Variants in CEP76 observed in about 807,000 individuals in gnomAD.
The protein encoded by CEP76 is centrosomal protein of 76 kDa.
In CEP76, 55 loss-of-function variants were observed where a neutral mutation model predicts 83.3. That is an observed-to-expected ratio of 0.66 (90% CI 0.53 to 0.83). CEP76 has a LOEUF of 0.83. Ranked by LOEUF, CEP76 falls within the 40% of genes least tolerant of loss-of-function variation. The probability of loss-of-function intolerance (pLI) is 0.00; values close to 1 mark genes in which losing one functional copy is unlikely to be tolerated. For missense variants in CEP76, 694 were observed against 799.5 expected (o/e 0.87, Z 1.59); for synonymous variants, 270 against 274.5 (o/e 0.98, Z 0.16).
At chr18:12,675,572 G>C (rs1242181165) in intron 10 of CEP76, among the ~76,000 whole-genome samples, 1 of 152,126 alleles carries the variant, frequency 6.6e-6, no homozygotes, top group Non-Finnish European at 1.5e-5. Context: ...CTTATATACT[G>C]TAAGAGATAA....
At chr18:12,673,629 C>G (rs1233541088) in intron 11 of CEP76, 126 bp from the exon 12 acceptor site, 8 of 669,596 alleles carry the variant, frequency 1.2e-5, no homozygotes, top group Non-Finnish European at 1.9e-5. Flanking sequence ...CCTGTAATCC[C>G]AGCACTTTGG....
chr18:12,685,146 A>T (rs1368081710), intron 8 of CEP76: 1 of 152,014 alleles, frequency 6.6e-6, no homozygotes, highest in African/African-American at 2.4e-5. Context: ...GATTACAGGC[A>T]CGTGCCACCA....
chr18:12,680,901 A>G, intron 8 of CEP76, 73 bp from the exon 9 acceptor site: 2 of 1,335,820 alleles, frequency 1.5e-6, no homozygotes, highest in South Asian at 1.5e-5. Context: ...ATACTAAATT[A>G]TAATAAAAAT....
chr18:12,669,032 C>CTT (rs71174122), downstream of CEP76, among the ~76,000 whole-genome samples: 269 of 41,950 alleles, frequency 6.4e-3, 75 homozygotes, highest in Non-Finnish European at 7.6e-3. Context: ...ACCCCCCGCA[C>CTT]TTTTTTTTTT....
intron 2 of CEP76, 74 bp downstream of exon 2, chr18:12,700,884 G>A (rs756870456): frequency 2.0e-5 from 25 of 1,261,318 alleles, no homozygotes; most frequent in African/African-American, 3.0e-5. Context: ...GCCCCACATC[G>A]GAACCTTATA....
In CEP76 at chr18:12,691,464, A is replaced by C; in HGVS notation, c.828T>G (p.Thr276=). 6.2e-7 allele frequency: 1 copy of C among 1,601,496 alleles called. No individual in the cohort carries two copies. Among genetic ancestry groups the C allele is most frequent in the Non-Finnish European group, 8.5e-7 (1 of 1,175,470 alleles). The part of the protein sequence containing the change: ...NTQLALERQK[T]AEKERLFLVY... ...CAAGAAATAATCGCTCTTTCTCTGC[A>C]GTTTTCTGACGTTCCAAAGCAAGCT... Residue 276 remains threonine (T), a synonymous_variant, in exon 7 of 12, where the codon ACT becomes ACG. Coordinates refer to ENST00000262127, the MANE Select transcript of CEP76 (RefSeq NM_024899.4).
At chr18:12,690,050 A>C (rs1216821167) in intron 7 of CEP76, among the ~76,000 whole-genome samples, 1 of 151,982 alleles carries the variant, frequency 6.6e-6, no homozygotes, top group African/African-American at 2.4e-5. Flanking sequence ...CGGCCTCCCC[A>C]AGTGCTGGGA....
chr18:12,698,153 TTATTTTATTTA>T (rs978784492), intron 4 of CEP76, among the ~76,000 whole-genome samples: 7 of 147,028 alleles, frequency 4.8e-5, no homozygotes, highest in African/African-American at 1.5e-4. Context: ...ATTTGACTTT[TTATTTTATTTA>T]TATTTATTTG....
intron 8 of CEP76, among the ~76,000 whole-genome samples, chr18:12,681,065 A>G (rs2039330148): frequency 6.6e-6 from 1 of 151,812 alleles, no homozygotes; most frequent in Non-Finnish European, 1.5e-5. Context: ...CGGGTGTGGT[A>G]GCACACACCA....
chr18:12,662,693 C>CT (rs1230658112), intron 12 of CEP76, among the ~76,000 whole-genome samples: 1 of 152,198 alleles, frequency 6.6e-6, no homozygotes, highest in Non-Finnish European at 1.5e-5. Flanking sequence ...ACAAGAATCG[C>CT]TTGAGCCCAG....
At chr18:12,680,928 G>A in intron 8 of CEP76, 100 bp from the exon 9 acceptor site, 3 of 1,120,314 alleles carry the variant, frequency 2.7e-6, no homozygotes, top group Non-Finnish European at 3.7e-6. Flanking sequence ...GCTGGGCACA[G>A]TGGCTCACGC....
Position 12,699,836 on chromosome 18 carries a change from T to G in CEP76, c.289A>C (p.Lys97Gln). The G allele has an allele frequency of 6.4e-7, 1 of 1,551,198 alleles. No individual in the cohort carries two copies. Among genetic ancestry groups the G allele is most frequent in the Non-Finnish European group, 8.8e-7 (1 of 1,138,266 alleles). Reference protein sequence around the residue: ...PICFDRQSTLKKTNIDPTRRY... With the variant: ...PICFDRQSTLQKTNIDPTRRY... ...AATGTTAAAATATACATACTTTTTT[T>G]TAATGTCGATTGTCTATCAAAACAA... The change falls in exon 3 of 12, where the codon AAA (lysine) becomes CAA (glutamine). Residue 97 changes from lysine to glutamine, a missense_variant. Physicochemically the swap from Lys to Gln is moderately conservative, Grantham distance 53. Coordinates refer to ENST00000262127, the MANE Select transcript of CEP76 (RefSeq NM_024899.4).
chr18:12,681,198 C>CA (rs35644207), intron 8 of CEP76, among the ~76,000 whole-genome samples: 12,649 of 82,724 alleles, frequency 0.15, 698 homozygotes, highest in Non-Finnish European at 0.2. Flanking sequence ...ACTCTGTTTC[C>CA]AAAAAAAAAA....
chr18:12,676,204 G>C (rs2039123517), intron 10 of CEP76, among the ~76,000 whole-genome samples: 1 of 151,618 alleles, frequency 6.6e-6, no homozygotes, highest in East Asian at 1.9e-4. Flanking sequence ...CTGATTTACA[G>C]GCACCTTAAC....
intron 10 of CEP76, among the ~76,000 whole-genome samples, chr18:12,676,119 G>A (rs1204192020): frequency 6.6e-6 from 1 of 151,814 alleles, no homozygotes; most frequent in African/African-American, 2.4e-5. Flanking sequence ...TATATTCAAG[G>A]TTTTAACTCA....
chr18:12,668,863 C>G (rs1022269554), downstream of CEP76, among the ~76,000 whole-genome samples: 25 of 149,206 alleles, frequency 1.7e-4, no homozygotes, highest in Non-Finnish European at 1.3e-4. Flanking sequence ...GCCTCAGCCT[C>G]CCAAGTAGCT....
At chr18:12,674,415 A>G (rs937437267) in intron 11 of CEP76, 121 bp downstream of exon 11, 1 of 692,752 alleles carries the variant, frequency 1.4e-6, no homozygotes, top group East Asian at 2.7e-5. Flanking sequence ...GTACTCCAGC[A>G]TGGGCAGCAG....
intron 10 of CEP76, 35 bp downstream of exon 10, chr18:12,678,074 A>T (rs777350700): frequency 5.3e-5 from 80 of 1,519,978 alleles, no homozygotes; most frequent in Non-Finnish European, 3.5e-5. Flanking sequence ...AAATGAAAAG[A>T]AGTATGAAAC....
Position 12,678,390 on chromosome 18 carries a change from T to C in CEP76, c.1342A>G (p.Lys448Glu). 1 of 1,614,154 alleles carries C rather than the reference T, an allele frequency of 6.2e-7. No homozygotes were observed. Among genetic ancestry groups the C allele is most frequent in the Non-Finnish European group, 8.5e-7 (1 of 1,180,016 alleles). Reference protein sequence around the residue: ...PDEPPVAEQPKPLYPYRTIGC... With the variant: ...PDEPPVAEQPEPLYPYRTIGC... ...ATTGTTCGATATGGGTACAGTGGTT[T>C]GGGCTGTTCAGCAACTGGAGGTTCA... is the stretch of plus-strand genomic sequence containing the variant. Residue 448 changes from lysine to glutamate, a missense_variant, in exon 10 of 12, where the codon AAA becomes GAA. By Grantham distance (56) the Lys-to-Glu change is moderately conservative. Transcript: ENST00000262127.
Sources: allele counts gnomAD v4.1 joint callset (sites outside exome capture counted in the v4.1 genomes callset), GRCh38; gene constraint gnomAD v4.1.1; transcripts MANE v1.5; gene names NCBI Gene and HGNC (gene_info 2026-07-23, HGNC 2026-07-21).